CDH4: variants seen among roughly 807,000 people sequenced by gnomAD.
The protein encoded by CDH4 is cadherin-4.
A neutral mutation model predicts 86.0 loss-of-function variants in CDH4; 33 were observed. That is an observed-to-expected ratio of 0.38 (90% CI 0.29 to 0.51). CDH4 has a LOEUF of 0.51. Ranked by LOEUF, CDH4 falls within the 20% of genes least tolerant of loss-of-function variation. The pLI is 0.86. For missense variants in CDH4, 1,114 were observed against 1,307.4 expected, an observed-to-expected ratio of 0.85 and a Z score of 2.28; for synonymous variants, 555 against 549.4, an observed-to-expected ratio of 1.01 and a Z score of -0.14.
At chr20:61,378,480 T>C (rs1294290917) in intron 2 of CDH4, among the ~76,000 whole-genome samples, 1 of 152,150 alleles carries the variant, frequency 6.6e-6, no homozygotes, top group Non-Finnish European at 1.5e-5. Context: ...TCCTGCTGGC[T>C]CCGGCTTTCC....
chr20:61,502,631 A>C (rs1289765965), intron 2 of CDH4, among the ~76,000 whole-genome samples: 1 of 152,186 alleles, frequency 6.6e-6, no homozygotes, highest in Non-Finnish European at 1.5e-5. Context: ...ACAATTTGTC[A>C]GTGTTGGTGA....
In CDH4 at chr20:61,681,392, A is replaced by G. The variant is rs1454569461; in HGVS notation, c.170-62171A>G. Among the ~76,000 whole-genome samples, 1 of 152,208 alleles carries G rather than the reference A, an allele frequency of 6.6e-6. No individual in the cohort carries two copies. Among genetic ancestry groups the G allele is most frequent in the Non-Finnish European group, 1.5e-5 (1 of 68,044 alleles). ...AAAAATGAGGCTGAAATCACCCAAA[A>G]GGTGACAAAAATGGATTAGACAATC... On this transcript the variant is annotated intron_variant, in intron 2 of 15. Transcript: ENST00000614565. This position sits in a 1 kb window ranked among gnomAD's most constrained non-coding sequence, Gnocchi z 4.5.
intron 4 of CDH4, among the ~76,000 whole-genome samples, chr20:61,799,623 C>A (rs1979726445): frequency 6.6e-6 from 1 of 152,218 alleles, no homozygotes; most frequent in African/African-American, 2.4e-5. Flanking sequence ...ATACCACACT[C>A]AGCCTGGGCA....
chr20:61,427,507 T>C (rs2145510964), intron 2 of CDH4, among the ~76,000 whole-genome samples: 1 of 151,696 alleles, frequency 6.6e-6, no homozygotes, highest in Middle Eastern at 3.4e-3. Flanking sequence ...GCTTTTTTTT[T>C]CTTTTTTTGG....
At chr20:61,653,922 A>G (rs2087157872) in intron 2 of CDH4, among the ~76,000 whole-genome samples, 1 of 137,278 alleles carries the variant, frequency 7.3e-6, no homozygotes, top group Non-Finnish European at 1.6e-5. Context: ...CCGCGCAGAG[A>G]CACTCCTCAC....
At position 61,261,203 on chromosome 20, in the gene CDH4, C is replaced by T. The variant is rs569029201; in HGVS notation, c.169+6266C>T. Among the ~76,000 whole-genome samples, 17 of 152,194 alleles carry T rather than the reference C, an allele frequency of 1.1e-4. No individual in the cohort carries two copies. In the South Asian group the frequency reaches 2.9e-3, roughly 26 times the overall value. On this transcript the variant is annotated intron_variant, in intron 2 of 15. Transcript: ENST00000614565. ...TCAGTGGTTCCTTAGTCAGTGATTC[C>T]TAAGTCAGTGATTCCTAAGTCAGTG...
At position 61,663,666 on chromosome 20, in the gene CDH4, A is replaced by G. The variant is rs2145835548; in HGVS notation, c.170-79897A>G. 6.6e-6 allele frequency among the ~76,000 whole-genome samples: 1 copy of G among 151,996 alleles called. No individual in the cohort carries two copies. The highest frequency in any genetic ancestry group is 1.9e-4 in the East Asian group (1 of 5,156). On this transcript the variant is annotated intron_variant, in intron 2 of 15. Transcript: ENST00000614565. The surrounding 1 kb of genome is among the most constrained non-coding windows in gnomAD (Gnocchi z 5.0). The stretch of plus-strand genomic sequence containing the variant: ...CCAGGGGAAGCGGGGACTCGAGGAG[A>G]GCAGGGAGTGCTGTCTTCCCGGCGG...
chr20:61,663,922 G>T lies in CDH4; in HGVS notation c.170-79641G>T, dbSNP rs1426042147. Among the ~76,000 whole-genome samples the T allele has an allele frequency of 6.6e-6, 1 of 152,186 alleles. No individual in the cohort carries two copies. Among genetic ancestry groups the T allele is most frequent in the East Asian group, 1.9e-4 (1 of 5,178 alleles). On this transcript the variant is annotated intron_variant, in intron 2 of 15. Coordinates refer to ENST00000614565, the MANE Select transcript of CDH4 (RefSeq NM_001794.5). This position sits in a 1 kb window ranked among gnomAD's most constrained non-coding sequence, Gnocchi z 5.0. ...CAGCATCTGTGCCCGCGGCAGTTTA[G>T]AGTGACACTGTCCTCTGTCCAGCAC...
chr20:61,548,579 A>C (rs2086105487), intron 2 of CDH4, among the ~76,000 whole-genome samples: 1 of 152,184 alleles, frequency 6.6e-6, no homozygotes, highest in Non-Finnish European at 1.5e-5. Flanking sequence ...TTAGTGGCTT[A>C]AAATGTCATT....
intron 2 of CDH4, among the ~76,000 whole-genome samples, chr20:61,442,460 A>G (rs1279291926): frequency 6.6e-6 from 1 of 152,250 alleles, no homozygotes; most frequent in Non-Finnish European, 1.5e-5. Context: ...ACAGATCGTG[A>G]GAACTCCAGT....
rs149755994 is a variant in CDH4 at position 61,645,549 on chromosome 20, T to G, written c.170-98014T>G. On this transcript the variant is annotated intron_variant, in intron 2 of 15. Coordinates refer to ENST00000614565, the MANE Select transcript of CDH4 (RefSeq NM_001794.5). Reference sequence around the variant, plus strand: ...CAGGAGGCTGAGGCAGGAGGATAGCTTGAACCCAAAGTCAAGGATGCAGTG... The same window carrying G: ...CAGGAGGCTGAGGCAGGAGGATAGCGTGAACCCAAAGTCAAGGATGCAGTG... Among the ~76,000 whole-genome samples the G allele has an allele frequency of 3.9e-5, 6 of 152,062 alleles. No individual in the cohort carries two copies. The East Asian group carries it at 1.2e-3, about 29-fold the overall frequency.
intron 2 of CDH4, among the ~76,000 whole-genome samples, chr20:61,500,960 C>T (rs904399220): frequency 2.0e-5 from 3 of 152,336 alleles, no homozygotes; most frequent in South Asian, 4.1e-4. Flanking sequence ...CTCTTTGCAG[C>T]ATTGTGCTAA....
At chr20:61,292,895 C>T (rs1449446113) in intron 2 of CDH4, among the ~76,000 whole-genome samples, 6 of 152,358 alleles carry the variant, frequency 3.9e-5, no homozygotes, top group African/African-American at 1.4e-4. Context: ...AGAGGTGCCT[C>T]TGTGCCCTAG....
chr20:61,372,378 G>A (rs1203770228), intron 2 of CDH4, among the ~76,000 whole-genome samples: 2 of 152,200 alleles, frequency 1.3e-5, no homozygotes, highest in African/African-American at 2.4e-5. Flanking sequence ...GTGTCTACCC[G>A]CACACGCTTC....
At position 61,735,437 on chromosome 20, in the gene CDH4, C is replaced by G. The variant is rs138786986; in HGVS notation, c.170-8126C>G. On this transcript the variant is annotated intron_variant, in intron 2 of 15. Transcript: ENST00000614565. ...CACCCTCCTCTGTTTCTTATACCCC[C>G]CTGGTGGGCAGAACCTGTGGCAGGT... Among the ~76,000 whole-genome samples the G allele has an allele frequency of 1.8e-4, 28 of 152,316 alleles. No individual in the cohort carries two copies. The East Asian group carries it at 5.4e-3, about 29-fold the overall frequency.
rs896564593 is a variant in CDH4, at chr20:61,719,319, T to C, written c.170-24244T>C. ...GGCCTCATTGCAGAATCTTCCAAGG[T>C]ACGAGTCAGCCACGGAGGCCTGTGA... On this transcript the variant is annotated intron_variant, in intron 2 of 15. Transcript: ENST00000614565. 1.1e-5 allele frequency: 4 copies of C among 355,508 alleles called. No individual in the cohort carries two copies. In the Admixed American group the frequency reaches 1.2e-4, roughly 10 times the overall value. 22.0% of individuals were successfully genotyped at this position (355,508 alleles called of 1,614,324 possible). A position where few individuals can be genotyped will look rare whatever the true frequency, so the allele number is the denominator to read the frequency against.
intron 2 of CDH4, among the ~76,000 whole-genome samples, chr20:61,287,329 G>C (rs763295165): frequency 1.3e-5 from 2 of 152,116 alleles, no homozygotes; most frequent in Non-Finnish European, 2.9e-5. Context: ...ATAAAACATA[G>C]CTGGGTGTGG....
intron 7 of CDH4, among the ~76,000 whole-genome samples, chr20:61,881,950 G>A (rs984391535): frequency 6.6e-6 from 1 of 152,238 alleles, no homozygotes; most frequent in African/African-American, 2.4e-5. Context: ...ACACAGGGGA[G>A]AAGGCTGCAT....
intron 3 of CDH4, among the ~76,000 whole-genome samples, chr20:61,757,239 C>A (rs1225417256): frequency 6.6e-6 from 1 of 152,120 alleles, no homozygotes. Flanking sequence ...ACAGACCCCC[C>A]CCCCAGCCCC....
Sources: allele counts gnomAD v4.1 joint callset (sites outside exome capture counted in the v4.1 genomes callset), GRCh38; gene constraint gnomAD v4.1.1; non-coding constraint Gnocchi (gnomAD v3.1); transcripts MANE v1.5; gene names NCBI Gene and HGNC (gene_info 2026-07-23, HGNC 2026-07-21).